The following P4HA1 variants were observed in gnomAD, a reference collection of about 807,000 sequenced individuals.
P4HA1 encodes the protein prolyl 4-hydroxylase subunit alpha-1.
In P4HA1, 24 loss-of-function variants were observed where a neutral mutation model predicts 72.8. The ratio of observed to expected loss-of-function variants is 0.33; its 90% CI spans 0.24 to 0.46. P4HA1 has a LOEUF of 0.46. Among genes scored for constraint, P4HA1 ranks in the 20% least tolerant of loss-of-function variants. P4HA1 has a pLI of 1.00. For missense variants in P4HA1, 446 were observed against 640.6 expected (o/e 0.70, Z 3.28); for synonymous variants, 201 against 218.8 (o/e 0.92, Z 0.72).
chr10:73,070,142 C>CTTTTTTTTTTTTT lies in P4HA1; in HGVS notation c.326-1172_326-1160dup, dbSNP rs71021546. 1.9e-4 allele frequency among the ~76,000 whole-genome samples: 12 copies of CTTTTTTTTTTTTT among 64,504 alleles called. 1 individual carries two copies. The highest frequency in any genetic ancestry group is 3.8e-4 in the African/African-American group (6 of 15,812). 42.3% of individuals were successfully genotyped at this position (64,504 alleles called of 152,430 possible). A position where few individuals can be genotyped will look rare whatever the true frequency, so the allele number is the denominator to read the frequency against. The stretch of plus-strand genomic sequence containing the variant: ...TATTTTGAACAGCAAGAGACCAGGC[C>CTTTTTTTTTTTTT]TTTTTTTTTTTTTTTTTTTTTTTTT... On this transcript the variant is annotated intron_variant, in intron 4 of 14. Coordinates refer to ENST00000394890, the MANE Select transcript of P4HA1 (RefSeq NM_001017962.3).
chr10:73,080,732 G>C (rs897772917), intron 1 of P4HA1, among the ~76,000 whole-genome samples: 7 of 152,088 alleles, frequency 4.6e-5, no homozygotes, highest in African/African-American at 1.7e-4. Flanking sequence ...TTTGAGACCA[G>C]CCTGGCTAAC....
At chr10:73,083,213 C>T (rs1280841013) in intron 1 of P4HA1, among the ~76,000 whole-genome samples, 2 of 152,164 alleles carry the variant, frequency 1.3e-5, no homozygotes, top group Non-Finnish European at 2.9e-5. Context: ...TTTTACTTAA[C>T]TCCATGAATT....
intron 9 of P4HA1, among the ~76,000 whole-genome samples, chr10:73,038,429 GATT>G (rs1342317291): frequency 1.3e-5 from 2 of 151,860 alleles, no homozygotes; most frequent in Admixed American, 6.6e-5. Context: ...ACTCTAAACA[GATT>G]ATTGTTTATT....
chr10:73,050,398 AT>A (rs112588235), intron 7 of P4HA1, among the ~76,000 whole-genome samples: 7 of 150,200 alleles, frequency 4.7e-5, no homozygotes, highest in South Asian at 2.1e-4. Context: ...GTATACTGTA[AT>A]TTTTTTTTTA....
chr10:73,060,796 T>C (rs572012840), intron 5 of P4HA1, among the ~76,000 whole-genome samples: 4 of 151,906 alleles, frequency 2.6e-5, no homozygotes, highest in African/African-American at 7.2e-5. Context: ...TAATACTGAA[T>C]AGGCTGAAAT....
In P4HA1 at chr10:73,079,657, G is replaced by A. The variant is rs550494263; in HGVS notation, c.-32-4742C>T. Among the ~76,000 whole-genome samples, 7 of 152,166 alleles carry A rather than the reference G, an allele frequency of 4.6e-5. No individual in the cohort carries two copies. In the East Asian group the frequency reaches 9.7e-4, roughly 21 times the overall value. ...CTCAGGAGGCTGGGGCAGGAGAATC[G>A]CTTGAACCCAGGAGGCGGAGGTTCC... On this transcript the variant is annotated intron_variant, in intron 1 of 14. Coordinates refer to ENST00000394890, the MANE Select transcript of P4HA1 (RefSeq NM_001017962.3).
intron 1 of P4HA1, among the ~76,000 whole-genome samples, chr10:73,095,462 A>G (rs1842143951): frequency 6.6e-6 from 1 of 151,562 alleles, no homozygotes; most frequent in Admixed American, 6.6e-5. Flanking sequence ...GGAAAAGACT[A>G]GCCTCATTCA....
intron 1 of P4HA1, among the ~76,000 whole-genome samples, chr10:73,087,802 T>C (rs768353707): frequency 5.9e-5 from 9 of 152,156 alleles, no homozygotes; most frequent in Non-Finnish European, 8.8e-5. Flanking sequence ...TTGAGTTCCT[T>C]ATACAGTCTA....
chr10:73,032,020 C>T (rs1030950905), intron 9 of P4HA1, among the ~76,000 whole-genome samples: 1 of 152,086 alleles, frequency 6.6e-6, no homozygotes, highest in Non-Finnish European at 1.5e-5. Context: ...GTCACCAAAC[C>T]CTACTGGAGA....
chr10:73,065,362 G>GT (rs1366051500), intron 5 of P4HA1: 5 of 152,184 alleles, frequency 3.3e-5, no homozygotes, highest in Admixed American at 3.3e-4. Flanking sequence ...CAAAATGCAT[G>GT]TAACCTATCA....
intron 1 of P4HA1, among the ~76,000 whole-genome samples, chr10:73,075,275 C>CT (rs1841671467): frequency 6.6e-6 from 1 of 151,994 alleles, no homozygotes; most frequent in Admixed American, 6.6e-5. Flanking sequence ...ACCCAGCTAA[C>CT]TTTTTGTCTT....
intron 1 of P4HA1, among the ~76,000 whole-genome samples, chr10:73,095,220 C>A: frequency 8.3e-6 from 1 of 121,076 alleles, no homozygotes; most frequent in Non-Finnish European, 1.6e-5. Context: ...AAATTACGCT[C>A]ACAAGCTAAA....
chr10:73,030,843 C>T (rs1840417402), intron 9 of P4HA1, among the ~76,000 whole-genome samples: 1 of 152,116 alleles, frequency 6.6e-6, no homozygotes, highest in South Asian at 2.1e-4. Context: ...TACCCAAACA[C>T]ACCTACTGAA....
intron 1 of P4HA1, among the ~76,000 whole-genome samples, chr10:73,084,865 G>A (rs1325851408): frequency 6.6e-6 from 1 of 152,164 alleles, no homozygotes; most frequent in African/African-American, 2.4e-5. Context: ...AGGCTTGGTG[G>A]CTCATGCCAC....
chr10:73,016,603 C>A (rs569652281), intron 11 of P4HA1, among the ~76,000 whole-genome samples: 1 of 152,292 alleles, frequency 6.6e-6, no homozygotes, highest in East Asian at 1.9e-4. Flanking sequence ...ATGGCGAAAC[C>A]CTGTCGCTAC....
At chr10:73,081,632 CT>C (rs1841825089) in intron 1 of P4HA1, among the ~76,000 whole-genome samples, 2 of 152,136 alleles carry the variant, frequency 1.3e-5, no homozygotes, top group Non-Finnish European at 2.9e-5. Flanking sequence ...GGGAACAGAT[CT>C]TAAAAGTTCT....
intron 7 of P4HA1, among the ~76,000 whole-genome samples, chr10:73,048,555 G>A (rs1336488739): frequency 4.6e-5 from 7 of 152,118 alleles, no homozygotes; most frequent in Non-Finnish European, 7.4e-5. Context: ...ATGAGCCATC[G>A]TGCCTGGCAA....
At chr10:73,059,103 T>C (rs554614070) in intron 5 of P4HA1, among the ~76,000 whole-genome samples, 60 of 151,944 alleles carry the variant, frequency 3.9e-4, no homozygotes, top group African/African-American at 1.4e-3. Flanking sequence ...GTGTTTATGT[T>C]GAGAGAATAT....
At chr10:73,080,530 C>G (rs1370976109) in intron 1 of P4HA1, among the ~76,000 whole-genome samples, 1 of 152,218 alleles carries the variant, frequency 6.6e-6, no homozygotes, top group Non-Finnish European at 1.5e-5. Context: ...GAGAATGGTT[C>G]TCTAATCTGT....
Sources: allele counts gnomAD v4.1 joint callset (sites outside exome capture counted in the v4.1 genomes callset), GRCh38; gene constraint gnomAD v4.1.1; transcripts MANE v1.5; gene names NCBI Gene and HGNC (gene_info 2026-07-23, HGNC 2026-07-21).